Variants in INPP4B observed in about 807,000 individuals in gnomAD.
The protein encoded by INPP4B is inositol polyphosphate 4-phosphatase type II.
In INPP4B, 55 loss-of-function variants were observed where a neutral mutation model predicts 122.5. The observed-to-expected ratio is 0.45, with a 90% CI of 0.36 to 0.56. The LOEUF is 0.56. INPP4B is among the 20% of genes least tolerant of loss of function. The pLI is 0.00. For synonymous variants in INPP4B, 403 were observed against 388.7 expected (o/e 1.04, Z -0.43); for missense variants, 1,000 against 1,097.7 (o/e 0.91, Z 1.26).
intron 2 of INPP4B, among the ~76,000 whole-genome samples, chr4:142,464,053 A>G (rs532315328): frequency 6.6e-6 from 1 of 152,310 alleles, no homozygotes; most frequent in South Asian, 2.1e-4. Context: ...TTTGGCAAAG[A>G]CAGGTGAAGT....
intron 14 of INPP4B, among the ~76,000 whole-genome samples, chr4:142,202,111 A>G (rs1166406820): frequency 6.6e-6 from 1 of 152,036 alleles, no homozygotes; most frequent in African/African-American, 2.4e-5. Context: ...ATAGTATCCA[A>G]AGTAATAGAT....
intron 11 of INPP4B, among the ~76,000 whole-genome samples, chr4:142,254,020 A>G (rs1411445418): frequency 7.9e-6 from 1 of 126,250 alleles, no homozygotes; most frequent in Non-Finnish European, 1.8e-5. Context: ...GAACGGGCAG[A>G]CTGCCTCCTC....
chr4:142,712,761 C>T (rs77732365), intron 2 of INPP4B, among the ~76,000 whole-genome samples: 7,477 of 152,244 alleles, frequency 0.049, 242 homozygotes, highest in African/African-American at 0.083. Flanking sequence ...TCTCCCCAGC[C>T]CTCATTCCTA....
chr4:142,134,037 G>C (rs1022572008), intron 18 of INPP4B, among the ~76,000 whole-genome samples: 3 of 151,720 alleles, frequency 2.0e-5, no homozygotes, highest in Admixed American at 6.6e-5. Context: ...TTGTCTCTTT[G>C]CTACTAGAGC....
chr4:142,356,178 T>C (rs11929861), intron 7 of INPP4B, among the ~76,000 whole-genome samples: 2,285 of 149,246 alleles, frequency 0.015, 49 homozygotes, highest in African/African-American at 0.054. Flanking sequence ...ATCTAGAAAA[T>C]GTACAAAGGA....
intron 2 of INPP4B, among the ~76,000 whole-genome samples, chr4:142,502,518 C>A (rs181515855): frequency 2.6e-4 from 39 of 152,160 alleles, no homozygotes; most frequent in African/African-American, 8.9e-4. Flanking sequence ...GATAGAGTTT[C>A]GCTCTTGTCA....
At chr4:142,756,523 G>C (rs1329651449) in intron 1 of INPP4B, among the ~76,000 whole-genome samples, 1 of 151,876 alleles carries the variant, frequency 6.6e-6, no homozygotes, top group Non-Finnish European at 1.5e-5. Flanking sequence ...AAAACTGGAG[G>C]CTCCTCTTAC....
intron 7 of INPP4B, among the ~76,000 whole-genome samples, chr4:142,370,228 A>G (rs1579871388): frequency 6.6e-6 from 1 of 152,160 alleles, no homozygotes; most frequent in Admixed American, 6.6e-5. Context: ...TCTTTGTAAT[A>G]GTCAATTACC....
At chr4:142,061,743 G>A (rs1760730680) in intron 25 of INPP4B, among the ~76,000 whole-genome samples, 1 of 151,016 alleles carries the variant, frequency 6.6e-6, no homozygotes, top group African/African-American at 2.4e-5. Context: ...TAAGCAAAAA[G>A]CATTTAAAGA....
At chr4:142,749,583 G>C (rs1769330151) in intron 1 of INPP4B, among the ~76,000 whole-genome samples, 2 of 151,708 alleles carry the variant, frequency 1.3e-5, no homozygotes, top group Non-Finnish European at 2.9e-5. Flanking sequence ...CTCAATAAAA[G>C]ATCCAGTTCA....
At chr4:142,098,007 TA>T in intron 23 of INPP4B, among the ~76,000 whole-genome samples, 1 of 152,158 alleles carries the variant, frequency 6.6e-6, no homozygotes, top group South Asian at 2.1e-4. Context: ...ATAGAGGCTA[TA>T]AAAAACTTTA....
At chr4:142,216,209 C>T (rs1847185198) in intron 12 of INPP4B, among the ~76,000 whole-genome samples, 1 of 152,132 alleles carries the variant, frequency 6.6e-6, no homozygotes, top group Non-Finnish European at 1.5e-5. Context: ...CTCATGAATT[C>T]ATTGCTTTAC....
chr4:142,191,890 A>G (rs984920591), intron 15 of INPP4B, among the ~76,000 whole-genome samples: 2 of 152,308 alleles, frequency 1.3e-5, no homozygotes, highest in African/African-American at 4.8e-5. Context: ...AGGAAAAAAG[A>G]AAAATATATG....
rs531773450 is a variant in INPP4B, at chr4:142,067,259, G to T, written c.2642+14772C>A. 9.4e-4 allele frequency among the ~76,000 whole-genome samples: 143 copies of T among 152,308 alleles called. 1 individual carries two copies. The highest frequency in any genetic ancestry group is 3.3e-3 in the African/African-American group (139 of 41,572). ...AACTCCAACAGACCTGCAGCTGAGGGTCCTGACTGTTAGAAGGAAAACTAA... is the reference window on the plus strand; with the variant it reads ...AACTCCAACAGACCTGCAGCTGAGGTTCCTGACTGTTAGAAGGAAAACTAA... On this transcript the variant is annotated intron_variant, in intron 25 of 25. Transcript: ENST00000262992.
chr4:142,045,895 T>C (rs1421076033), intron 25 of INPP4B, among the ~76,000 whole-genome samples: 1 of 152,084 alleles, frequency 6.6e-6, no homozygotes, highest in Non-Finnish European at 1.5e-5. Flanking sequence ...CAAACAAATA[T>C]ACATTTTATT....
At chr4:142,682,342 A>G (rs1399285280) in intron 2 of INPP4B, among the ~76,000 whole-genome samples, 1 of 151,746 alleles carries the variant, frequency 6.6e-6, no homozygotes, top group Non-Finnish European at 1.5e-5. Flanking sequence ...CTAAGCTTGA[A>G]CACGGATTAT....
At chr4:142,449,411 T>A (rs979156403) in intron 3 of INPP4B, among the ~76,000 whole-genome samples, 1 of 152,144 alleles carries the variant, frequency 6.6e-6, no homozygotes, top group Non-Finnish European at 1.5e-5. Flanking sequence ...CACATTAGAA[T>A]GTACATTTTA....
chr4:142,764,365 G>T (rs1467807290), intron 1 of INPP4B, among the ~76,000 whole-genome samples: 1 of 151,952 alleles, frequency 6.6e-6, no homozygotes, highest in South Asian at 2.1e-4. Flanking sequence ...ATCCTCAAAG[G>T]TCATTTCTTG....
chr4:142,805,816 G>A (rs1386975704), intron 1 of INPP4B, among the ~76,000 whole-genome samples: 3 of 152,220 alleles, frequency 2.0e-5, no homozygotes, highest in Non-Finnish European at 2.9e-5. Context: ...TCAATAGTAG[G>A]CTATTAGTTG....
Sources: allele counts gnomAD v4.1 joint callset (sites outside exome capture counted in the v4.1 genomes callset), GRCh38; gene constraint gnomAD v4.1.1; transcripts MANE v1.5; gene names NCBI Gene and HGNC (gene_info 2026-07-23, HGNC 2026-07-21).